Variants in FSD1L observed in about 807,000 individuals in gnomAD.
FSD1L encodes the protein FSD1-like protein.
A neutral mutation model predicts 71.6 loss-of-function variants in FSD1L; 45 were observed. The ratio of observed to expected loss-of-function variants is 0.63; its 90% confidence interval spans 0.49 to 0.81. The LOEUF (loss-of-function observed/expected upper bound fraction) is 0.81. Ranked by LOEUF, FSD1L falls within the 30% of genes least tolerant of loss-of-function variation. The pLI is 0.00. For synonymous variants in FSD1L, 197 were observed against 207.2 expected, an observed-to-expected ratio of 0.95 and a Z score of 0.42; for missense variants, 561 against 618.1, an observed-to-expected ratio of 0.91 and a Z score of 0.98.
chr9:105,510,947 A>G (rs1330771785), intron 9 of FSD1L, among the ~76,000 whole-genome samples: 1 of 151,680 alleles, frequency 6.6e-6, no homozygotes. Flanking sequence ...GTTATATTAT[A>G]GGACTTATAC....
At chr9:105,513,193 T>A (rs1333775389) in intron 10 of FSD1L, among the ~76,000 whole-genome samples, 3 of 152,288 alleles carry the variant, frequency 2.0e-5, no homozygotes, top group Admixed American at 2.0e-4. Flanking sequence ...AAGTTATATA[T>A]ACAGCAACTT....
rs1837188461 is a variant in FSD1L, at chr9:105,549,645, CTTGCT to C, written c.*3165_*3169del. The C allele has an allele frequency of 6.6e-6, 1 of 151,886 alleles. No individual in the cohort carries two copies. The highest frequency in any genetic ancestry group is 1.5e-5 in the Non-Finnish European group (1 of 67,878). 9.4% of individuals were successfully genotyped at this position (151,886 alleles called of 1,614,324 possible). On this transcript the variant is annotated 3_prime_UTR_variant, in exon 14 of 14. Transcript: ENST00000481272. Reference sequence around the variant, plus strand: ...TATGTTATGAAGAGAGACATATTGGCTTGCTTTAATTTACTTATTTATGAAATTAA... The same window carrying C: ...TATGTTATGAAGAGAGACATATTGGCTTAATTTACTTATTTATGAAATTAA...
chr9:105,483,840 T>C (rs1459212607), intron 6 of FSD1L, among the ~76,000 whole-genome samples: 4 of 152,200 alleles, frequency 2.6e-5, no homozygotes, highest in Non-Finnish European at 5.9e-5. Flanking sequence ...TTCACTTCTC[T>C]CTTTTCTTAT....
Position 105,533,139 on chromosome 9 carries a change from C to T in FSD1L, c.1026-1354C>T, listed in dbSNP as rs553466031. Among the ~76,000 whole-genome samples, 21 of 152,146 alleles carry T rather than the reference C, an allele frequency of 1.4e-4. 1 individual carries two copies. In the South Asian group the frequency reaches 2.5e-3, roughly 18 times the overall value. The stretch of plus-strand genomic sequence containing the variant: ...CTAGTGGTGAGAATATAGTTATCCC[C>T]ATATCCCCCAAATACTTTTAGGATA... On this transcript the variant is annotated intron_variant, in intron 10 of 13. Coordinates refer to ENST00000481272, the MANE Select transcript of FSD1L (RefSeq NM_001145313.3).
rs549477394 is a variant in FSD1L at position 105,490,434 on chromosome 9, A to G, written c.586+5932A>G. ...TTTGTCAGATGAGTAGGTTGCGAAT[A>G]TTTTCTCCCATTTTGTAGGTTGCCT... is the stretch of plus-strand genomic sequence containing the variant. On this transcript the variant is annotated intron_variant, in intron 7 of 13. Coordinates refer to ENST00000481272, the MANE Select transcript of FSD1L (RefSeq NM_001145313.3). 6.6e-5 allele frequency among the ~76,000 whole-genome samples: 10 copies of G among 151,944 alleles called. No individual in the cohort carries two copies. The South Asian group carries it at 2.1e-3, about 32-fold the overall frequency.
rs759759426 is a variant in FSD1L, at chr9:105,478,455, A to G, written c.442-899A>G. 5.9e-5 allele frequency among the ~76,000 whole-genome samples: 9 copies of G among 152,204 alleles called. No individual in the cohort carries two copies. In the South Asian group the frequency reaches 6.2e-4, roughly 11 times the overall value. The stretch of plus-strand genomic sequence containing the variant: ...TTACTATGTCCTAAGCATTTTTGCT[A>G]GGCACTGGGGATACAGTGTTGAGCA... On this transcript the variant is annotated intron_variant, in intron 5 of 13. Transcript: ENST00000481272.
chr9:105,489,355 T>C (rs1007387945), intron 7 of FSD1L, among the ~76,000 whole-genome samples: 5 of 152,162 alleles, frequency 3.3e-5, no homozygotes, highest in African/African-American at 1.2e-4. Flanking sequence ...TATGTAGAGT[T>C]AATTACTGAA....
intron 7 of FSD1L, among the ~76,000 whole-genome samples, chr9:105,492,557 G>C (rs1564109235): frequency 6.6e-6 from 1 of 152,024 alleles, no homozygotes; most frequent in East Asian, 1.9e-4. Context: ...GAATGTGTTT[G>C]CTCTTGCTTT....
At chr9:105,508,044 T>A (rs1834160531) in intron 8 of FSD1L, among the ~76,000 whole-genome samples, 1 of 152,038 alleles carries the variant, frequency 6.6e-6, no homozygotes, top group Admixed American at 6.6e-5. Flanking sequence ...TAATTTTGTA[T>A]TTTTAGTAGA....
chr9:105,472,411 G>A (rs1588956294), intron 5 of FSD1L: 1 of 161,732 alleles, frequency 6.2e-6, no homozygotes, highest in Admixed American at 6.4e-5. Flanking sequence ...AATGTAAAAA[G>A]TAGAGCAAGA....
chr9:105,477,302 A>G (rs1588965864), intron 5 of FSD1L, among the ~76,000 whole-genome samples: 1 of 152,346 alleles, frequency 6.6e-6, no homozygotes, highest in Non-Finnish European at 1.5e-5. Context: ...AGGCCAAATA[A>G]TGATAAAAGC....
At chr9:105,488,110 C>T (rs1263960530) in intron 7 of FSD1L, among the ~76,000 whole-genome samples, 1 of 152,236 alleles carries the variant, frequency 6.6e-6, no homozygotes, top group East Asian at 1.9e-4. Flanking sequence ...TGTATACTGG[C>T]ATGTATCTGC....
chr9:105,520,403 A>C (rs1263074266), intron 10 of FSD1L: 3 of 1,110,220 alleles, frequency 2.7e-6, no homozygotes, highest in South Asian at 1.3e-5. Flanking sequence ...TTTCGACAAC[A>C]TTTTTTACAT....
chr9:105,549,417 A>T lies in FSD1L; in HGVS notation c.*2934A>T, dbSNP rs1389255594. 6.6e-6 allele frequency: 1 copy of T among 152,086 alleles called. No individual in the cohort carries two copies. The highest frequency in any genetic ancestry group is 2.4e-5 in the African/African-American group (1 of 41,452). 9.4% of individuals were successfully genotyped at this position (152,086 alleles called of 1,614,324 possible). A position where few individuals can be genotyped will look rare whatever the true frequency, so the allele number is the denominator to read the frequency against. Reference sequence around the variant, plus strand: ...GTAAATATGTAGATACCAAGCATTAATAACTAATGCACACAGAAATTTAAT... The same window carrying T: ...GTAAATATGTAGATACCAAGCATTATTAACTAATGCACACAGAAATTTAAT... On this transcript the variant is annotated 3_prime_UTR_variant, in exon 14 of 14. Transcript: ENST00000481272.
intron 10 of FSD1L, among the ~76,000 whole-genome samples, chr9:105,514,934 T>C (rs565593124): frequency 1.3e-5 from 2 of 152,132 alleles, no homozygotes; most frequent in African/African-American, 4.8e-5. Context: ...AGACCATCAC[T>C]CCTCCCCTGA....
Position 105,508,694 on chromosome 9 carries a change from C to A in FSD1L, c.874C>A (p.Pro292Thr). 6.5e-7 allele frequency: 1 copy of A among 1,548,416 alleles called. No individual in the cohort carries two copies. Among genetic ancestry groups the A allele is most frequent in the Non-Finnish European group, 8.7e-7 (1 of 1,143,988 alleles). The change falls in exon 9 of 14, where the codon CCA becomes ACA. Residue 292 changes from proline to threonine, a missense_variant. Around this residue, in one of 3 missense-constraint regions of FSD1L, gnomAD observed 410 missense variants for 413.5 expected, o/e 0.99. Transcript: ENST00000481272. ...GGCTGTGGCTGGAGAGTATTCTGAT[C>A]CAGTGACTCTAGAGACCAAAGGTGA... ...NKAVAGEYSD[P>T]VTLETKALNF...
chr9:105,447,863 G>A (rs1213420194), upstream of FSD1L: 5 of 393,806 alleles, frequency 1.3e-5, no homozygotes, highest in Non-Finnish European at 2.3e-5. Context: ...GGGCCGGAGA[G>A]ACCGCTATCG....
chr9:105,475,810 T>G (rs1474677629), intron 5 of FSD1L, among the ~76,000 whole-genome samples: 2 of 152,198 alleles, frequency 1.3e-5, no homozygotes, highest in Non-Finnish European at 2.9e-5. Context: ...ACAGATTCTT[T>G]CAAATGATCA....
chr9:105,487,757 A>G (rs1832650174), intron 7 of FSD1L, among the ~76,000 whole-genome samples: 1 of 152,072 alleles, frequency 6.6e-6, no homozygotes, highest in East Asian at 1.9e-4. Flanking sequence ...ATACATCACA[A>G]TTTTCTTTTG....
Sources: allele counts gnomAD v4.1 joint callset (sites outside exome capture counted in the v4.1 genomes callset), GRCh38; gene constraint gnomAD v4.1.1; regional missense constraint gnomAD v4.1.1; transcripts MANE v1.5; gene names NCBI Gene and HGNC (gene_info 2026-07-23, HGNC 2026-07-21).